Variants in ARID2 observed in about 807,000 individuals in gnomAD.
The protein encoded by ARID2 is AT-rich interactive domain-containing protein 2.
Under a neutral mutation model 184.6 loss-of-function variants are expected in ARID2, and 32 were observed. The ratio of observed to expected loss-of-function variants is 0.17; its 90% CI spans 0.13 to 0.23. The LOEUF (loss-of-function observed/expected upper bound fraction) is 0.23, where lower values mean the gene tolerates loss of function less well. Ranked by LOEUF, ARID2 falls within the 10% of genes least tolerant of loss-of-function variation. The pLI, the probability that ARID2 is intolerant of heterozygous loss-of-function variation, is 1.00. For synonymous variants in ARID2, 836 were observed against 772.6 expected (o/e 1.08, Z -1.36); for missense variants, 1,696 against 2,197.6 (o/e 0.77, Z 4.56).
chr12:45,860,671 C>T, intron 15 of ARID2, 130 bp from the exon 16 acceptor site: 1 of 807,516 alleles, frequency 1.2e-6, no homozygotes, highest in East Asian at 3.5e-5. Context: ...TAATCATAAG[C>T]TTAAAATTAT....
At chr12:45,744,260 CTTTAA>C (rs1941317494) in intron 3 of ARID2, among the ~76,000 whole-genome samples, 2 of 151,990 alleles carry the variant, frequency 1.3e-5, no homozygotes, top group Admixed American at 1.3e-4. Flanking sequence ...TAACTATTGA[CTTTAA>C]TTTTAGTAAT....
chr12:45,745,660 G>C (rs961009093), intron 3 of ARID2, among the ~76,000 whole-genome samples: 4 of 152,152 alleles, frequency 2.6e-5, no homozygotes, highest in African/African-American at 9.7e-5. Context: ...TGATTCTCAT[G>C]TTTCAGTCTC....
At chr12:45,889,302 TAAAG>T (rs920171241) in intron 16 of ARID2, among the ~76,000 whole-genome samples, 4 of 152,192 alleles carry the variant, frequency 2.6e-5, no homozygotes, top group Admixed American at 6.5e-5. Context: ...AGAGAAGGCT[TAAAG>T]AAAGTATACT....
chr12:45,761,687 C>A (rs1941682198), intron 3 of ARID2, among the ~76,000 whole-genome samples: 1 of 151,932 alleles, frequency 6.6e-6, no homozygotes, highest in East Asian at 1.9e-4. Context: ...TACTCCAGTA[C>A]ATTTAGGTAT....
intron 3 of ARID2, among the ~76,000 whole-genome samples, chr12:45,764,149 T>G (rs1941728804): frequency 6.6e-6 from 1 of 152,180 alleles, no homozygotes; most frequent in South Asian, 2.1e-4. Context: ...CACTTAACTA[T>G]TAAAATTATT....
At chr12:45,827,860 A>G (rs1943031445) in intron 6 of ARID2, among the ~76,000 whole-genome samples, 1 of 152,122 alleles carries the variant, frequency 6.6e-6, no homozygotes, top group African/African-American at 2.4e-5. Flanking sequence ...GTAGCAGACA[A>G]ATGTGCCTGT....
chr12:45,904,399 G>A (rs533398664), intron 20 of ARID2: 77 of 711,204 alleles, frequency 1.1e-4, no homozygotes, highest in Non-Finnish European at 1.8e-4. Flanking sequence ...ATTTAGAAAG[G>A]TACTATGGAG....
intron 3 of ARID2, among the ~76,000 whole-genome samples, chr12:45,732,824 A>T (rs1941028854): frequency 6.6e-6 from 1 of 152,172 alleles, no homozygotes; most frequent in African/African-American, 2.4e-5. Flanking sequence ...GATTCATGAG[A>T]TGTATATTTT....
At chr12:45,737,351 TC>T (rs908436240) in intron 3 of ARID2, among the ~76,000 whole-genome samples, 15 of 151,718 alleles carry the variant, frequency 9.9e-5, no homozygotes, top group African/African-American at 3.6e-4. Flanking sequence ...GCCTTCCCTC[TC>T]CCCCCGCCCT....
chr12:45,904,869 A>G (rs1040358409), intron 20 of ARID2, 65 bp from the exon 21 acceptor site: 130 of 1,566,596 alleles, frequency 8.3e-5, no homozygotes, highest in Non-Finnish European at 1.0e-4. Context: ...AACTTGCAAA[A>G]TTCATGATAA....
chr12:45,838,602 G>C (rs983782637), intron 10 of ARID2, among the ~76,000 whole-genome samples: 1 of 151,916 alleles, frequency 6.6e-6, no homozygotes, highest in African/African-American at 2.4e-5. Flanking sequence ...TCATCTGTAC[G>C]AAAAATAAAT....
chr12:45,811,283 A>G, intron 3 of ARID2, 135 bp from the exon 4 acceptor site: 1 of 922,540 alleles, frequency 1.1e-6, no homozygotes, highest in Non-Finnish European at 1.6e-6. Flanking sequence ...TACTGTTCTA[A>G]TATAAGAGGT....
At chr12:45,736,147 G>A (rs1941115295) in intron 3 of ARID2, among the ~76,000 whole-genome samples, 1 of 152,168 alleles carries the variant, frequency 6.6e-6, no homozygotes, top group Non-Finnish European at 1.5e-5. Context: ...CACAAGGTCA[G>A]GAGACCAAGA....
At chr12:45,800,116 A>G (rs1942468765) in intron 3 of ARID2, among the ~76,000 whole-genome samples, 1 of 152,168 alleles carries the variant, frequency 6.6e-6, no homozygotes, top group South Asian at 2.1e-4. Flanking sequence ...TCCCAAAGTG[A>G]TGGGATTACA....
chr12:45,899,856 C>T (rs1436778080), intron 20 of ARID2, among the ~76,000 whole-genome samples: 1 of 150,648 alleles, frequency 6.6e-6, no homozygotes, highest in Non-Finnish European at 1.5e-5. Flanking sequence ...CAAAATATGT[C>T]TATGTTACTA....
intron 3 of ARID2, among the ~76,000 whole-genome samples, chr12:45,790,864 T>C (rs970694031): frequency 2.6e-5 from 4 of 152,186 alleles, no homozygotes; most frequent in Non-Finnish European, 5.9e-5. Flanking sequence ...TAATTCCCTT[T>C]ATCAAATAAG....
chr12:45,896,048 C>G (rs930326461), intron 20 of ARID2, among the ~76,000 whole-genome samples: 1 of 152,126 alleles, frequency 6.6e-6, no homozygotes. Flanking sequence ...CAGTGCAACC[C>G]CTGTCAACAT....
At chr12:45,826,001 C>T (rs1170908407) in intron 6 of ARID2, among the ~76,000 whole-genome samples, 3 of 151,994 alleles carry the variant, frequency 2.0e-5, no homozygotes, top group Non-Finnish European at 1.5e-5. Context: ...CCCACTAGGG[C>T]ATTTTTCTTT....
chr12:45,831,854 T>C (rs1233890341), intron 6 of ARID2, among the ~76,000 whole-genome samples: 3 of 152,238 alleles, frequency 2.0e-5, no homozygotes, highest in Admixed American at 6.5e-5. Flanking sequence ...TTACAGTTGA[T>C]ATATTTTCAT....
Sources: allele counts gnomAD v4.1 joint callset (sites outside exome capture counted in the v4.1 genomes callset), GRCh38; gene constraint gnomAD v4.1.1; transcripts MANE v1.5; gene names NCBI Gene and HGNC (gene_info 2026-07-23, HGNC 2026-07-21).